The following TMEM177 variants were observed in gnomAD, a reference collection of about 807,000 sequenced individuals.
TMEM177 encodes the protein transmembrane protein 177.
A neutral mutation model predicts 14.2 loss-of-function variants in TMEM177; 4 were observed. The ratio of observed to expected loss-of-function variants is 0.28; its 90% CI spans 0.14 to 0.64. The LOEUF (loss-of-function observed/expected upper bound fraction) is 0.64, where lower values mean the gene tolerates loss of function less well. TMEM177 is among the 30% of genes least tolerant of loss of function. The pLI is 0.82. For synonymous variants in TMEM177, 179 were observed against 174.5 expected, an observed-to-expected ratio of 1.03 and a Z score of -0.20; for missense variants, 344 against 405.2, an observed-to-expected ratio of 0.85 and a Z score of 1.30.
At chr2:119,683,488 G>A (rs1243817897), downstream of TMEM177, among the ~76,000 whole-genome samples, 9 of 152,290 alleles carry the variant, frequency 5.9e-5, no homozygotes, top group South Asian at 1.9e-3. Flanking sequence ...ACGGTCTGGG[G>A]CCTGGATTTG....
chr2:119,707,672 G>A, the TMEM177 span, among the ~76,000 whole-genome samples: 1 of 152,246 alleles, frequency 6.6e-6, no homozygotes, highest in East Asian at 1.9e-4. Context: ...AGATGCTAAT[G>A]TGCAAACTAT....
chr2:119,680,788 G>T (rs1364463504), intron 1 of TMEM177, 44 bp from the exon 2 acceptor site: 3 of 1,502,432 alleles, frequency 2.0e-6, no homozygotes, highest in African/African-American at 2.7e-5. Context: ...CAGTCTGCAG[G>T]CTGACCCAGG....
the TMEM177 span, among the ~76,000 whole-genome samples, chr2:119,715,381 G>C: frequency 3.5e-3 from 527 of 152,276 alleles, 2 homozygotes; most frequent in African/African-American, 0.012. Context: ...GCAAGACCCT[G>C]CCTCAAAGAC....
chr2:119,719,220 C>A, the TMEM177 span, among the ~76,000 whole-genome samples: 1 of 152,332 alleles, frequency 6.6e-6, no homozygotes, highest in South Asian at 2.1e-4. Context: ...TCATCCACCT[C>A]CCCTAAGGTG....
At position 119,681,728 on chromosome 2, in the gene TMEM177, C is replaced by T. The variant is rs757227979; in HGVS notation, c.875C>T (p.Thr292Ile). The change falls in exon 2 of 2, where the codon ACC becomes ATC. Residue 292 changes from threonine (T) to isoleucine (I), a missense_variant. Thr to Ile is a moderately conservative substitution (Grantham distance 89, BLOSUM62 -1). Transcript: ENST00000272521. Reference sequence around the variant, plus strand: ...TTCCGAATCAAACATTTACCCTACACCACCCGCCGGGACTCTGTGCTGCAG... The same window carrying T: ...TTCCGAATCAAACATTTACCCTACATCACCCGCCGGGACTCTGTGCTGCAG... The part of the protein sequence containing the change: ...HLFRIKHLPY[T>I]TRRDSVLQMW... The T allele has an allele frequency of 5.0e-6, 8 of 1,614,154 alleles. No individual in the cohort carries two copies. The highest frequency in any genetic ancestry group is 6.8e-6 in the Non-Finnish European group (8 of 1,180,032).
downstream of TMEM177, chr2:119,682,125 C>CTT (rs1688923948): frequency 1.4e-4 from 11 of 80,456 alleles, no homozygotes; most frequent in Non-Finnish European, 2.1e-4. Context: ...CCTTCTTGGT[C>CTT]GTTTTTTTTT....
chr2:119,719,734 G>A, the TMEM177 span, among the ~76,000 whole-genome samples: 1 of 152,134 alleles, frequency 6.6e-6, no homozygotes, highest in Admixed American at 6.6e-5. Context: ...GGTCAGGGAG[G>A]CACTCACCTA....
downstream of TMEM177, among the ~76,000 whole-genome samples, chr2:119,688,659 C>A (rs903977673): frequency 3.9e-5 from 6 of 152,216 alleles, no homozygotes; most frequent in Non-Finnish European, 8.8e-5. Context: ...TGTCATCATG[C>A]AGCGTGTGAC....
At chr2:119,689,109 G>C (rs1689059366), downstream of TMEM177, among the ~76,000 whole-genome samples, 1 of 152,180 alleles carries the variant, frequency 6.6e-6, no homozygotes, top group African/African-American at 2.4e-5. Context: ...GGATCTCCCT[G>C]CCTTCTATCC....
At chr2:119,683,090 G>A (rs1442615475), downstream of TMEM177, among the ~76,000 whole-genome samples, 1 of 152,236 alleles carries the variant, frequency 6.6e-6, no homozygotes, top group Non-Finnish European at 1.5e-5. Context: ...TGAACACAGT[G>A]GTGGCAGGTC....
the TMEM177 span, among the ~76,000 whole-genome samples, chr2:119,710,527 C>T: frequency 6.6e-6 from 1 of 152,184 alleles, no homozygotes; most frequent in African/African-American, 2.4e-5. Flanking sequence ...GACAGAGGGA[C>T]TCCAGCTGTC....
downstream of TMEM177, among the ~76,000 whole-genome samples, chr2:119,688,333 A>G (rs146694451): frequency 5.2e-3 from 798 of 152,320 alleles, 7 homozygotes; most frequent in African/African-American, 0.018. Context: ...ACTTAGCACT[A>G]TATATATTTA....
downstream of TMEM177, chr2:119,686,244 C>T (rs114697490): frequency 0.015 from 2,152 of 147,376 alleles, 22 homozygotes; most frequent in South Asian, 0.022. Flanking sequence ...AAATGTGGAG[C>T]CTGGTGAGGG....
chr2:119,716,563 A>C, the TMEM177 span, among the ~76,000 whole-genome samples: 2 of 152,168 alleles, frequency 1.3e-5, no homozygotes, highest in African/African-American at 4.8e-5. Context: ...AATGGGTGTA[A>C]GGGACCCACA....
the TMEM177 span, among the ~76,000 whole-genome samples, chr2:119,709,835 AC>A: frequency 3.3e-5 from 5 of 152,154 alleles, no homozygotes; most frequent in South Asian, 2.1e-4. Flanking sequence ...AAATAAATAA[AC>A]AAATAAATAA....
the TMEM177 span, among the ~76,000 whole-genome samples, chr2:119,716,821 G>C: frequency 6.6e-6 from 1 of 152,182 alleles, no homozygotes; most frequent in Non-Finnish European, 1.5e-5. Context: ...TACTCAATGG[G>C]TATGATTCCT....
At chr2:119,704,910 C>T in the TMEM177 span, among the ~76,000 whole-genome samples, 1 of 152,158 alleles carries the variant, frequency 6.6e-6, no homozygotes, top group South Asian at 2.1e-4. Flanking sequence ...GTGCCCAGGT[C>T]CTGTGGGAAC....
chr2:119,694,280 CCACACACACA>C, the TMEM177 span, among the ~76,000 whole-genome samples: 1 of 149,688 alleles, frequency 6.7e-6, no homozygotes, highest in African/African-American at 2.5e-5. Flanking sequence ...GTGTGGTATA[CCACACACACA>C]CACACACACA....
At chr2:119,723,602 C>T in the TMEM177 span, among the ~76,000 whole-genome samples, 1 of 152,230 alleles carries the variant, frequency 6.6e-6, no homozygotes, top group Non-Finnish European at 1.5e-5. Flanking sequence ...TCATTAAATG[C>T]TCCATTTAAC....
Sources: gnomAD v4.1 joint callset for allele counts (sites outside exome capture counted in the v4.1 genomes callset) on GRCh38, gnomAD v4.1.1 for gene constraint, MANE v1.5 for transcripts, NCBI Gene and HGNC (gene_info 2026-07-23, HGNC 2026-07-21) for gene names.